The following TAF1D variants were observed in gnomAD, a reference collection of about 807,000 sequenced individuals.
The protein encoded by TAF1D is TATA-box binding protein associated factor, RNA polymerase I subunit D.
In TAF1D, 23 loss-of-function variants were observed where a neutral mutation model predicts 26.2. The observed-to-expected ratio is 0.88, with a 90% CI of 0.63 to 1.25. The LOEUF is 1.25. TAF1D is among the 50% of genes most tolerant of loss of function. The pLI, the probability that TAF1D is intolerant of heterozygous loss-of-function variation, is 0.00. For missense variants in TAF1D, 299 were observed against 322.0 expected (o/e 0.93, Z 0.55); for synonymous variants, 100 against 105.6 (o/e 0.95, Z 0.33).
chr11:93,741,158 G>C (rs942712049), intron 1 of TAF1D, among the ~76,000 whole-genome samples, 164 bp downstream of exon 1: 2 of 152,258 alleles, frequency 1.3e-5, no homozygotes, highest in African/African-American at 2.4e-5. Context: ...ACTCATACCA[G>C]CCGCGTGGCG....
At chr11:93,733,119 T>C (rs1029517105), downstream of TAF1D, 47 of 426,266 alleles carry the variant, frequency 1.1e-4, no homozygotes, top group Non-Finnish European at 2.0e-4. Flanking sequence ...ATCACATTCA[T>C]TCCTATAGAA....
intron 5 of TAF1D, 59 bp downstream of exon 5, chr11:93,736,635 T>C: frequency 1.3e-6 from 2 of 1,592,938 alleles, no homozygotes; most frequent in East Asian, 2.3e-5. Context: ...TATAATTCCT[T>C]CTGTATCAAC....
rs571146220 is a variant in TAF1D at position 93,741,431 on chromosome 11, T to G, written c.-137A>C. ...TCCTAGAGCTCTGTACACACCACCC[T>G]CCCGACCTCAGCCCTCCAACTCCCG... is the stretch of plus-strand genomic sequence containing the variant. On this transcript the variant is annotated 5_prime_UTR_variant, in exon 1 of 6. Coordinates refer to ENST00000448108, the MANE Select transcript of TAF1D (RefSeq NM_024116.4). The G allele has an allele frequency of 1.3e-5, 6 of 455,838 alleles. No homozygotes were observed. The highest frequency in any genetic ancestry group is 2.4e-5 in the Admixed American group (1 of 42,528). 28.2% of individuals were successfully genotyped at this position (455,838 alleles called of 1,614,324 possible).
chr11:93,738,153 C>A lies in TAF1D; in HGVS notation c.415G>T (p.Glu139Ter). ...CTCCAAGGTGCGTTTTTTTCATTCT[C>A]TGATTCTAAAAATGGGAAGCCAGAT... ...RGSGFPFLESENEKNAPWRKI... is the reference protein window; with the variant it reads ...RGSGFPFLES The change falls in exon 3 of 6, where the codon GAG becomes TAG. Residue 139 changes from glutamate (E) to a stop codon, truncating the protein, a stop_gained. Transcript: ENST00000448108. LOFTEE classifies it high-confidence loss of function. The A allele has an allele frequency of 6.4e-7, 1 of 1,567,034 alleles. No homozygotes were observed. The highest frequency in any genetic ancestry group is 1.2e-5 in the South Asian group (1 of 82,628).
chr11:93,741,225 A>ATCC, intron 1 of TAF1D, 97 bp downstream of exon 1: 1 of 431,282 alleles, frequency 2.3e-6, no homozygotes. Flanking sequence ...CGGAGTCTCG[A>ATCC]TCCTCCGGAC....
At chr11:93,731,877 T>C, downstream of TAF1D, 4 of 371,320 alleles carry the variant, frequency 1.1e-5, no homozygotes, top group Non-Finnish European at 2.1e-5. Context: ...CACATTACAA[T>C]GTTTCAGTCA....
chr11:93,732,119 C>T, downstream of TAF1D: 1 of 518,724 alleles, frequency 1.9e-6, no homozygotes, highest in South Asian at 1.4e-5. Flanking sequence ...AGTGCCCATT[C>T]TCTAGAATGA....
At chr11:93,739,124 T>G in intron 2 of TAF1D, 113 bp downstream of exon 2, 3 of 785,900 alleles carry the variant, frequency 3.8e-6, no homozygotes, top group Non-Finnish European at 6.1e-6. Context: ...GGAAGGTCAG[T>G]GAAATCTAGT....
downstream of TAF1D, chr11:93,731,741 G>C: frequency 2.9e-6 from 1 of 348,922 alleles, no homozygotes; most frequent in Non-Finnish European, 5.6e-6. Flanking sequence ...TTTAAGTAAT[G>C]AATTAACTTA....
downstream of TAF1D, chr11:93,735,110 T>C (rs1187069731): frequency 7.5e-7 from 1 of 1,341,442 alleles, no homozygotes; most frequent in Non-Finnish European, 9.9e-7. Context: ...TCAGGTATCA[T>C]AATATCCCTT....
rs768066942 is a variant in TAF1D at position 93,739,302 on chromosome 11, CATCA to C, written c.-2_2del. On this transcript the variant is annotated start_lost and start_retained_variant and 5_prime_UTR_variant, in exon 2 of 6. Coordinates refer to ENST00000448108, the MANE Select transcript of TAF1D (RefSeq NM_024116.4). ...CAAGAGAATCTATTCCTGATTTATC[CATCA>C]ATTGCTCTTTGTTTTAAACAGTTTT... 7.5e-6 allele frequency: 12 copies of C among 1,605,620 alleles called. No individual in the cohort carries two copies. Among genetic ancestry groups the C allele is most frequent in the African/African-American group, 5.4e-5 (4 of 74,588 alleles).
downstream of TAF1D, chr11:93,733,582 C>G (rs771583838): frequency 1.9e-5 from 10 of 518,342 alleles, no homozygotes; most frequent in South Asian, 8.4e-5. Context: ...AAAGCCCCAT[C>G]GGGATAGACC....
intron 2 of TAF1D, 97 bp from the exon 3 acceptor site, chr11:93,738,596 T>G: frequency 7.9e-7 from 1 of 1,258,022 alleles, no homozygotes; most frequent in Non-Finnish European, 1.1e-6. Flanking sequence ...CAAGACCAAC[T>G]CAGAAAACAT....
chr11:93,739,050 T>G, intron 2 of TAF1D, 187 bp downstream of exon 2: 1 of 567,966 alleles, frequency 1.8e-6, no homozygotes, highest in Non-Finnish European at 3.1e-6. Flanking sequence ...CCATAATATA[T>G]TCACATTTTG....
chr11:93,738,386 G>C lies in TAF1D; in HGVS notation c.182C>G (p.Ala61Gly). ...AGATGAGTCACTTGATGAATCACTTGCGTGAACACTTTCAGGTGTACGAAC... is the reference window on the plus strand; with the variant it reads ...AGATGAGTCACTTGATGAATCACTTCCGTGAACACTTTCAGGTGTACGAAC... ...KFVRTPESVHASDSSSDSSFE... is the reference protein window; with the variant it reads ...KFVRTPESVHGSDSSSDSSFE... The change falls in exon 3 of 6, where the codon GCA becomes GGA. Residue 61 changes from alanine (A) to glycine (G), a missense_variant. Physicochemically the swap from Ala to Gly is moderately conservative, Grantham distance 60 (BLOSUM62 0). Coordinates refer to ENST00000448108, the MANE Select transcript of TAF1D (RefSeq NM_024116.4). The C allele has an allele frequency of 2.5e-6, 4 of 1,613,876 alleles. No individual in the cohort carries two copies. Among genetic ancestry groups the C allele is most frequent in the Non-Finnish European group, 3.4e-6 (4 of 1,179,968 alleles).
At chr11:93,734,588 A>G (rs1204983636), downstream of TAF1D, 1 of 534,618 alleles carries the variant, frequency 1.9e-6, no homozygotes, top group South Asian at 1.5e-5. Flanking sequence ...TCCTACACAT[A>G]AACAAATATG....
At position 93,738,452 on chromosome 11, in the gene TAF1D, T is replaced by G. The variant is rs1941189465; in HGVS notation, c.116A>C (p.Tyr39Ser). 2 of 1,602,366 alleles carry G rather than the reference T, an allele frequency of 1.2e-6. No homozygotes were observed. The highest frequency in any genetic ancestry group is 1.7e-6 in the Non-Finnish European group (2 of 1,176,818). The change falls in exon 3 of 6, where the codon TAC becomes TCC. Residue 39 changes from tyrosine (Y) to serine (S), a missense_variant. Coordinates refer to ENST00000448108, the MANE Select transcript of TAF1D (RefSeq NM_024116.4). The stretch of plus-strand genomic sequence containing the variant: ...GTTTCTTTTCTCCCCTTTAGGTGAG[T>G]AAGGGATACACTGAGTTTTAAATAA... ...SSLFKTQCIPYSPKGEKRNPI... is the reference protein window; with the variant it reads ...SSLFKTQCIPSSPKGEKRNPI...
intron 2 of TAF1D, chr11:93,738,894 A>G: frequency 1.2e-5 from 4 of 325,196 alleles, no homozygotes; most frequent in Admixed American, 9.2e-5. Flanking sequence ...TTTCAAGACA[A>G]TGTATGAGCT....
chr11:93,735,557 G>A (rs1940584239), downstream of TAF1D: 17 of 517,834 alleles, frequency 3.3e-5, no homozygotes, highest in Non-Finnish European at 4.0e-5. Flanking sequence ...TGTAATCCCA[G>A]CTACTAAGGA....
Sources: gnomAD v4.1 joint callset for allele counts (sites outside exome capture counted in the v4.1 genomes callset) on GRCh38, gnomAD v4.1.1 for gene constraint, MANE v1.5 for transcripts, NCBI Gene and HGNC (gene_info 2026-07-23, HGNC 2026-07-21) for gene names.